SHROOM3: variants seen among roughly 807,000 people sequenced by gnomAD.
The protein encoded by SHROOM3 is protein Shroom3.
A neutral mutation model predicts 138.6 loss-of-function variants in SHROOM3; 47 were observed. The observed-to-expected ratio is 0.34, with a 90% confidence interval of 0.27 to 0.43. The LOEUF (loss-of-function observed/expected upper bound fraction) is 0.43. Ranked by LOEUF, SHROOM3 falls within the 20% of genes least tolerant of loss-of-function variation. The probability of loss-of-function intolerance (pLI) is 1.00; values close to 1 mark genes in which losing one functional copy is unlikely to be tolerated. For synonymous variants in SHROOM3, 1,062 were observed against 1,063.3 expected (o/e 1.00, Z 0.02); for missense variants, 2,491 against 2,596.5 (o/e 0.96, Z 0.88).
chr4:76,589,952 C>A (rs935066810), intron 2 of SHROOM3, among the ~76,000 whole-genome samples: 1 of 152,176 alleles, frequency 6.6e-6, no homozygotes, highest in Non-Finnish European at 1.5e-5. Context: ...TCCAACACTA[C>A]CAAGAAGTTA....
intron 2 of SHROOM3, among the ~76,000 whole-genome samples, chr4:76,566,938 C>G (rs1367259037): frequency 6.6e-6 from 1 of 152,234 alleles, no homozygotes; most frequent in East Asian, 1.9e-4. Context: ...CGTCTTTGTG[C>G]TTTTGCCAGT....
At chr4:76,768,296 T>G (rs111848549) in intron 9 of SHROOM3, among the ~76,000 whole-genome samples, 32 of 152,228 alleles carry the variant, frequency 2.1e-4, no homozygotes, top group Non-Finnish European at 1.2e-4. Context: ...CCATATGCGC[T>G]GATATCACAG....
chr4:76,545,834 G>A lies in SHROOM3; in HGVS notation c.169-9775G>A, dbSNP rs75969063. Among the ~76,000 whole-genome samples the A allele has an allele frequency of 4.5e-4, 68 of 152,144 alleles. No individual in the cohort carries two copies. The East Asian group carries it at 8.7e-3, about 19-fold the overall frequency. On this transcript the variant is annotated intron_variant, in intron 1 of 10. Coordinates refer to ENST00000296043, the MANE Select transcript of SHROOM3 (RefSeq NM_020859.4). ...GATGCTCGAAGAAGGTGCAAATTTC[G>A]CCCAAGATCACCTAGTATTGGAAGT... is the stretch of plus-strand genomic sequence containing the variant.
At chr4:76,442,689 G>T (rs915990119) in intron 1 of SHROOM3, among the ~76,000 whole-genome samples, 7 of 151,990 alleles carry the variant, frequency 4.6e-5, no homozygotes, top group African/African-American at 1.7e-4. Flanking sequence ...GATTACAGGC[G>T]TGAGTCACCG....
At chr4:76,669,680 AAAAAAAATAAT>A (rs1718819342) in intron 2 of SHROOM3, among the ~76,000 whole-genome samples, 1 of 152,198 alleles carries the variant, frequency 6.6e-6, no homozygotes, top group Non-Finnish European at 1.5e-5. Flanking sequence ...TAAAATTTAA[AAAAAAAATAAT>A]AATTGTTGTG....
At chr4:76,609,552 T>A (rs1734718852) in intron 2 of SHROOM3, among the ~76,000 whole-genome samples, 1 of 152,228 alleles carries the variant, frequency 6.6e-6, no homozygotes, top group African/African-American at 2.4e-5. Flanking sequence ...ATTACAGGCG[T>A]GAGCCATTGC....
At chr4:76,713,440 T>C (rs1255890477) in intron 3 of SHROOM3, among the ~76,000 whole-genome samples, 1 of 152,184 alleles carries the variant, frequency 6.6e-6, no homozygotes, top group African/African-American at 2.4e-5. Context: ...TCTACCTTTA[T>C]GTCTTGTCCC....
At chr4:76,620,199 A>G (rs1211888584) in intron 2 of SHROOM3, among the ~76,000 whole-genome samples, 3 of 152,042 alleles carry the variant, frequency 2.0e-5, no homozygotes, top group Non-Finnish European at 2.9e-5. Context: ...GAAATGGGCA[A>G]TTTGGGAAGA....
At chr4:76,623,367 C>T (rs1735050328) in intron 2 of SHROOM3, among the ~76,000 whole-genome samples, 1 of 152,216 alleles carries the variant, frequency 6.6e-6, no homozygotes, top group African/African-American at 2.4e-5. Flanking sequence ...AGACCATAAG[C>T]ATGAGTCAAA....
At chr4:76,516,622 A>C (rs572227362) in intron 1 of SHROOM3, among the ~76,000 whole-genome samples, 1 of 152,236 alleles carries the variant, frequency 6.6e-6, no homozygotes, top group South Asian at 2.1e-4. Flanking sequence ...CAAAATCACC[A>C]GCTAATAGAT....
chr4:76,628,075 A>G (rs1446536727), intron 2 of SHROOM3, among the ~76,000 whole-genome samples: 1 of 152,220 alleles, frequency 6.6e-6, no homozygotes, highest in Non-Finnish European at 1.5e-5. Flanking sequence ...ACAGACTAAC[A>G]GGTCTGTATG....
chr4:76,513,724 T>C (rs983925934), intron 1 of SHROOM3, among the ~76,000 whole-genome samples: 2 of 152,152 alleles, frequency 1.3e-5, no homozygotes, highest in Admixed American at 6.5e-5. Context: ...AATGACTTCA[T>C]TGGCATTAGC....
At chr4:76,766,198 T>C (rs1347197695) in intron 9 of SHROOM3, among the ~76,000 whole-genome samples, 1 of 152,276 alleles carries the variant, frequency 6.6e-6, no homozygotes, top group Admixed American at 6.5e-5. Context: ...AGTAATTGAA[T>C]AGTAAAACAC....
intron 2 of SHROOM3, among the ~76,000 whole-genome samples, chr4:76,621,852 C>T (rs1735014218): frequency 1.4e-5 from 2 of 141,232 alleles, no homozygotes; most frequent in African/African-American, 2.7e-5. Flanking sequence ...TTTTTTGAGA[C>T]AGAGTCTCAC....
At chr4:76,751,625 T>C (rs1721625443) in intron 6 of SHROOM3, among the ~76,000 whole-genome samples, 2 of 152,254 alleles carry the variant, frequency 1.3e-5, no homozygotes, top group African/African-American at 4.8e-5. Context: ...ATTTCAAACA[T>C]AAAAATTTAC....
At chr4:76,589,435 C>T (rs1734218542) in intron 2 of SHROOM3, among the ~76,000 whole-genome samples, 1 of 149,980 alleles carries the variant, frequency 6.7e-6, no homozygotes, top group African/African-American at 2.5e-5. Flanking sequence ...CTATTGCACT[C>T]CAGCCTGGGT....
chr4:76,732,579 G>A (rs182031743), intron 4 of SHROOM3, among the ~76,000 whole-genome samples: 41 of 152,296 alleles, frequency 2.7e-4, no homozygotes, highest in Admixed American at 2.1e-3. Flanking sequence ...TATTCTCACC[G>A]TCTGAGCCAT....
At chr4:76,657,600 G>T (rs1307247490) in intron 2 of SHROOM3, among the ~76,000 whole-genome samples, 1 of 152,176 alleles carries the variant, frequency 6.6e-6, no homozygotes, top group Non-Finnish European at 1.5e-5. Context: ...CTCTCCTAAT[G>T]TTCCCAAATA....
In SHROOM3 at chr4:76,756,411, CTCTCTCT is replaced by C; in HGVS notation, c.4710-36_4710-30del. The C allele has an allele frequency of 3.9e-6, 6 of 1,530,706 alleles. No individual in the cohort carries two copies. In the African/African-American group the frequency reaches 5.6e-5, roughly 14 times the overall value. The allele number at this position is 1,530,706 out of a possible 1,614,324, so 94.8% of individuals were successfully genotyped here. ...TTCTCTTATCACTCTCTCTTTCTCT[CTCTCTCT>C]TTTTTTTTTTTTTTTAAATATCCCT... On this transcript the variant is annotated intron_variant, in intron 7 of 10. Coordinates refer to ENST00000296043, the MANE Select transcript of SHROOM3 (RefSeq NM_020859.4).
Sources: gnomAD v4.1 joint callset for allele counts (sites outside exome capture counted in the v4.1 genomes callset) on GRCh38, gnomAD v4.1.1 for gene constraint, MANE v1.5 for transcripts, NCBI Gene and HGNC (gene_info 2026-07-23, HGNC 2026-07-21) for gene names.